The following ANKRD36 variants were observed in gnomAD, a reference collection of about 807,000 sequenced individuals.
The protein encoded by ANKRD36 is ankyrin repeat domain 36, also known as ankyrin repeat domain-containing protein 36A.
A neutral mutation model predicts 278.1 loss-of-function variants in ANKRD36; 179 were observed. The observed-to-expected ratio is 0.64, with a 90% CI of 0.57 to 0.73. The LOEUF is 0.73. ANKRD36 is among the 30% of genes least tolerant of loss of function. ANKRD36 has a pLI of 0.00. For missense variants in ANKRD36, 1,159 were observed against 1,956.7 expected (o/e 0.59, Z 7.69); for synonymous variants, 320 against 641.1 (o/e 0.50, Z 7.57).
intron 11 of ANKRD36, among the ~76,000 whole-genome samples, chr2:97,147,364 T>C (rs754584303): frequency 1.2e-4 from 18 of 151,908 alleles, no homozygotes; most frequent in Non-Finnish European, 1.9e-4. Context: ...TCTTCTTTTA[T>C]AGTTTTCATG....
intron 26 of ANKRD36, among the ~76,000 whole-genome samples, chr2:97,182,048 C>A (rs1165488392): frequency 1.3e-5 from 2 of 151,166 alleles, no homozygotes; most frequent in Non-Finnish European, 3.0e-5. Context: ...AGTCAGGGGA[C>A]AGCATAATTT....
intron 48 of ANKRD36, among the ~76,000 whole-genome samples, chr2:97,202,846 A>T (rs1400070634): frequency 2.0e-5 from 3 of 151,842 alleles, no homozygotes; most frequent in Admixed American, 2.0e-4. Context: ...GCCAAAGAAG[A>T]CGGATTGTGA....
At chr2:97,227,730 G>C (rs555126282) in intron 67 of ANKRD36, among the ~76,000 whole-genome samples, 32 of 152,226 alleles carry the variant, frequency 2.1e-4, no homozygotes, top group Admixed American at 4.6e-4. Context: ...CAAAGGGAAT[G>C]CTTCCAGTTT....
intron 1 of ANKRD36, among the ~76,000 whole-genome samples, chr2:97,117,295 GT>G (rs1201050601): frequency 6.6e-6 from 1 of 151,482 alleles, no homozygotes; most frequent in Non-Finnish European, 1.5e-5. Flanking sequence ...TTAAAAATTT[GT>G]TTTTTTATTT....
intron 75 of ANKRD36, among the ~76,000 whole-genome samples, chr2:97,262,710 T>C (rs1307415486): frequency 0.027 from 3,602 of 132,352 alleles, 525 homozygotes; most frequent in African/African-American, 0.1. Context: ...TGCCCTTTTT[T>C]CACTAATGAG....
At chr2:97,204,635 A>C (rs1028137586) in intron 50 of ANKRD36, among the ~76,000 whole-genome samples, 2 of 151,524 alleles carry the variant, frequency 1.3e-5, no homozygotes, top group Admixed American at 1.3e-4. Context: ...AAGAAAAGAC[A>C]GAAAGCTTGT....
Position 97,181,745 on chromosome 2 carries a change from G to A in ANKRD36, c.1789G>A (p.Val597Ile), listed in dbSNP as rs754707084. 11 of 1,609,392 alleles carry A rather than the reference G, an allele frequency of 6.8e-6. No homozygotes were observed. Among genetic ancestry groups the A allele is most frequent in the Non-Finnish European group, 9.3e-6 (11 of 1,178,262 alleles). Residue 597 changes from valine to isoleucine, a missense_variant, in exon 26 of 76, where the codon GTT becomes ATT. Coordinates refer to ENST00000420699, the MANE Select transcript of ANKRD36 (RefSeq NM_001354587.1). ...GGCTACAAGTGACGAGAAAGATTCTGTTTCAAATATAGCCACAGAAATAAA... is the reference window on the plus strand; with the variant it reads ...GGCTACAAGTGACGAGAAAGATTCTATTTCAAATATAGCCACAGAAATAAA... ...EKATSDEKDSVSNIATEIKKG... is the reference protein window; with the variant it reads ...EKATSDEKDSISNIATEIKKG...
At chr2:97,203,143 C>G (rs376121383) in intron 48 of ANKRD36, among the ~76,000 whole-genome samples, 15 of 151,724 alleles carry the variant, frequency 9.9e-5, no homozygotes, top group Admixed American at 8.6e-4. Context: ...TTTCCTTGTT[C>G]AAGGAGCTAC....
At chr2:97,235,049 A>G (rs2073304210) in intron 68 of ANKRD36, among the ~76,000 whole-genome samples, 1 of 149,006 alleles carries the variant, frequency 6.7e-6, no homozygotes, top group Admixed American at 6.7e-5. Context: ...TGAATTACAG[A>G]TTTTGCATTT....
rs763385352 is a variant in ANKRD36, at chr2:97,240,982, G to GTTTT, written c.4094-251_4094-248dup. ...TTATCTTATGCAATCACATAACTAT[G>GTTTT]TTTTTTTTTTTTTTTTTTTTTTTTT... On this transcript the variant is annotated intron_variant, in intron 68 of 75. Transcript: ENST00000420699. Among the ~76,000 whole-genome samples, 16 of 53,000 alleles carry GTTTT rather than the reference G, an allele frequency of 3.0e-4. 1 individual carries two copies. Among genetic ancestry groups the GTTTT allele is most frequent in the South Asian group, 1.4e-3 (1 of 730 alleles). The allele number at this position is 53,000 out of a possible 152,430, so 34.8% of individuals were successfully genotyped here. A position where few individuals can be genotyped will look rare whatever the true frequency, so the allele number is the denominator to read the frequency against.
intron 6 of ANKRD36, among the ~76,000 whole-genome samples, chr2:97,139,474 T>C (rs2042333397): frequency 6.6e-6 from 1 of 152,024 alleles, no homozygotes; most frequent in African/African-American, 2.4e-5. Context: ...GTGATATATA[T>C]TTCAGATCTA....
At chr2:97,115,816 A>G (rs1419758277) in intron 1 of ANKRD36, among the ~76,000 whole-genome samples, 3 of 151,470 alleles carry the variant, frequency 2.0e-5, no homozygotes, top group South Asian at 2.1e-4. Flanking sequence ...TCTCTAGGAA[A>G]TAGAGATACA....
chr2:97,222,172 G>C (rs1272743840), intron 66 of ANKRD36, among the ~76,000 whole-genome samples: 1 of 151,904 alleles, frequency 6.6e-6, no homozygotes, highest in African/African-American at 2.4e-5. Flanking sequence ...GGCTGTTTTG[G>C]TTACTGTAGC....
chr2:97,196,822 G>T (rs767761911), intron 42 of ANKRD36, 34 bp downstream of exon 42: 2 of 1,543,234 alleles, frequency 1.3e-6, no homozygotes, highest in East Asian at 2.4e-5. Context: ...GTCATGTTCA[G>T]TCCAGATAGA....
chr2:97,183,671 C>G lies in ANKRD36; in HGVS notation c.1939+17C>G, dbSNP rs2056770307. On this transcript the variant is annotated intron_variant, in intron 28 of 75. Coordinates refer to ENST00000420699, the MANE Select transcript of ANKRD36 (RefSeq NM_001354587.1). ...CTGGAACAGGTAATTTGGCAATACA[C>G]ATTTAATGTCATGTGCACTCAAGAC... 1 of 1,560,046 alleles carries G rather than the reference C, an allele frequency of 6.4e-7. No individual in the cohort carries two copies. Among genetic ancestry groups the G allele is most frequent in the Non-Finnish European group, 8.7e-7 (1 of 1,152,032 alleles).
At chr2:97,176,955 A>C (rs1192706569) in intron 22 of ANKRD36, among the ~76,000 whole-genome samples, 1 of 151,780 alleles carries the variant, frequency 6.6e-6, no homozygotes, top group Non-Finnish European at 1.5e-5. Context: ...AATCTCCTTA[A>C]GCTGATAAGC....
intron 75 of ANKRD36, among the ~76,000 whole-genome samples, chr2:97,263,105 G>A (rs1444915080): frequency 7.6e-6 from 1 of 131,928 alleles, no homozygotes; most frequent in Non-Finnish European, 1.5e-5. Context: ...CTTTGGAACT[G>A]GGTAATAGGC....
rs956387305 is a variant in ANKRD36 at position 97,220,670 on chromosome 2, A to G, written c.3877+1424A>G. Among the ~76,000 whole-genome samples the G allele has an allele frequency of 7.3e-5, 11 of 150,592 alleles. 1 individual carries two copies. The highest frequency in any genetic ancestry group is 2.0e-4 in the East Asian group (1 of 5,006). ...TTGATTCCAAATTATGGCTATTGTG[A>G]AAAGTGCTGCAATAAACATGTCAGG... On this transcript the variant is annotated intron_variant, in intron 66 of 75. Transcript: ENST00000420699.
At chr2:97,228,245 G>A (rs2070622854) in intron 67 of ANKRD36, among the ~76,000 whole-genome samples, 3 of 152,064 alleles carry the variant, frequency 2.0e-5, no homozygotes, top group South Asian at 4.2e-4. Context: ...GGTAGAATTC[G>A]GCTGTGAATC....
Sources: gnomAD v4.1 joint callset for allele counts (sites outside exome capture counted in the v4.1 genomes callset) on GRCh38, gnomAD v4.1.1 for gene constraint, MANE v1.5 for transcripts, NCBI Gene and HGNC (gene_info 2026-07-23, HGNC 2026-07-21) for gene names.